KCTD7: variants seen among roughly 807,000 people sequenced by gnomAD.
KCTD7 encodes the protein potassium channel tetramerization domain containing 7, also known as BTB/POZ domain-containing protein KCTD7.
KCTD7 carries 15 observed loss-of-function variants against 27.0 expected under a neutral mutation model. The ratio of observed to expected loss-of-function variants is 0.56; its 90% CI spans 0.37 to 0.86. The LOEUF (loss-of-function observed/expected upper bound fraction) is 0.86, where lower values mean the gene tolerates loss of function less well. Ranked by LOEUF, KCTD7 falls within the 40% of genes least tolerant of loss-of-function variation. The probability of loss-of-function intolerance (pLI) is 0.00; values close to 1 mark genes in which losing one functional copy is unlikely to be tolerated. For missense variants in KCTD7, 299 were observed against 398.9 expected, an observed-to-expected ratio of 0.75 and a Z score of 2.13; for synonymous variants, 159 against 162.7, an observed-to-expected ratio of 0.98 and a Z score of 0.17.
intron 1 of KCTD7, among the ~76,000 whole-genome samples, chr7:66,630,455 C>A (rs1273256238): frequency 6.6e-6 from 1 of 152,098 alleles, no homozygotes; most frequent in Admixed American, 6.6e-5. Flanking sequence ...GAAGGTGAAG[C>A]ATTACTGGAC....
chr7:66,634,521 C>T (rs554714045), intron 2 of KCTD7, among the ~76,000 whole-genome samples: 142 of 152,128 alleles, frequency 9.3e-4, no homozygotes, highest in Middle Eastern at 3.4e-3. Flanking sequence ...TACAGGTGTG[C>T]GCCACTGCAC....
intron 3 of KCTD7, 92 bp from the exon 4 acceptor site, chr7:66,638,764 T>C: frequency 6.7e-7 from 1 of 1,495,754 alleles, no homozygotes; most frequent in South Asian, 1.2e-5. Flanking sequence ...CCCTCCTGCA[T>C]CCTGCCATCT....
chr7:66,633,843 C>T (rs924773188), intron 2 of KCTD7, among the ~76,000 whole-genome samples: 1 of 151,716 alleles, frequency 6.6e-6, no homozygotes, highest in Admixed American at 6.6e-5. Context: ...CAAAAATTAG[C>T]TGGGTGTGGT....
At position 66,642,191 on chromosome 7, in the gene KCTD7, C is replaced by T. The variant is rs185120966; in HGVS notation, c.*2959C>T. 2 of 985,388 alleles carry T rather than the reference C, an allele frequency of 2.0e-6. No homozygotes were observed. The highest frequency in any genetic ancestry group is 1.2e-4 in the Admixed American group (2 of 16,276). 61.0% of individuals were successfully genotyped at this position (985,388 alleles called of 1,614,324 possible). A position where few individuals can be genotyped will look rare whatever the true frequency, so the allele number is the denominator to read the frequency against. On this transcript the variant is annotated 3_prime_UTR_variant, in exon 4 of 4. Coordinates refer to ENST00000639828, the MANE Select transcript of KCTD7 (RefSeq NM_153033.5). Reference sequence around the variant, plus strand: ...GAAGCAAAACCACACTGAAATGCATCCCACTCCAGGAGAGGAATTCTTAGC... The same window carrying T: ...GAAGCAAAACCACACTGAAATGCATTCCACTCCAGGAGAGGAATTCTTAGC...
Position 66,639,203 on chromosome 7 carries a change from A to G in KCTD7, c.841A>G (p.Ile281Val). The part of the protein sequence containing the change: ...LVNHYYCKRP[I>V]YEFKITWW ...GAACCACTACTACTGCAAGCGCCCC[A>G]TCTATGAGTTCAAGATCACATGGTG... The change falls in exon 4 of 4, where the codon ATC (isoleucine) becomes GTC (valine). Residue 281 changes from isoleucine (I) to valine (V), a missense_variant. Coordinates refer to ENST00000639828, the MANE Select transcript of KCTD7 (RefSeq NM_153033.5). 2 of 1,613,434 alleles carry G rather than the reference A, an allele frequency of 1.2e-6. No individual in the cohort carries two copies. The highest frequency in any genetic ancestry group is 1.7e-6 in the Non-Finnish European group (2 of 1,180,024).
Position 66,638,354 on chromosome 7 carries a change from A to T in KCTD7, c.416A>T (p.Glu139Val). 6.2e-7 allele frequency: 1 copy of T among 1,614,232 alleles called. No individual in the cohort carries two copies. The highest frequency in any genetic ancestry group is 8.5e-7 in the Non-Finnish European group (1 of 1,180,050). The change falls in exon 3 of 4, where the codon GAG becomes GTG. Residue 139 changes from glutamate (E) to valine (V), a missense_variant. Physicochemically the swap from Glu to Val is moderately radical, Grantham distance 121. Coordinates refer to ENST00000639828, the MANE Select transcript of KCTD7 (RefSeq NM_153033.5). Reference sequence around the variant, plus strand: ...TACTATGCCATCGGGCCCCTCCTGGAGCAGCTGGAGAACATGCAGCCACTG... The same window carrying T: ...TACTATGCCATCGGGCCCCTCCTGGTGCAGCTGGAGAACATGCAGCCACTG... ...AQYYAIGPLL[E>V]QLENMQPLKG... is the part of the protein sequence containing the mutation.
chr7:66,642,145 T>C lies in KCTD7; in HGVS notation c.*2913T>C. 3 of 985,390 alleles carry C rather than the reference T, an allele frequency of 3.0e-6. No individual in the cohort carries two copies. The highest frequency in any genetic ancestry group is 3.6e-6 in the Non-Finnish European group (3 of 829,918). 61.0% of individuals were successfully genotyped at this position (985,390 alleles called of 1,614,324 possible). A position where few individuals can be genotyped will look rare whatever the true frequency, so the allele number is the denominator to read the frequency against. Reference sequence around the variant, plus strand: ...TTCCTTAAAAATAAAAAAGCTAATGTTATAGCAACAAAAAAAGACTGAAGC... The same window carrying C: ...TTCCTTAAAAATAAAAAAGCTAATGCTATAGCAACAAAAAAAGACTGAAGC... On this transcript the variant is annotated 3_prime_UTR_variant, in exon 4 of 4. Coordinates refer to ENST00000639828, the MANE Select transcript of KCTD7 (RefSeq NM_153033.5).
At chr7:66,629,371 C>T (rs1786393189) in intron 1 of KCTD7, among the ~76,000 whole-genome samples, 163 bp downstream of exon 1, 1 of 150,238 alleles carries the variant, frequency 6.7e-6, no homozygotes, top group South Asian at 2.1e-4. Flanking sequence ...CGCCCACCTG[C>T]ACCCCTACCC....
chr7:66,634,116 ATATATATATATATATATATATG>A (rs1036101794), intron 2 of KCTD7, among the ~76,000 whole-genome samples: 4 of 101,776 alleles, frequency 3.9e-5, no homozygotes, highest in Admixed American at 1.2e-4. Flanking sequence ...GTGTATACAT[ATATATATATATATATATATATG>A]TATATATATG....
chr7:66,636,343 G>A (rs9791890), intron 2 of KCTD7, among the ~76,000 whole-genome samples: 74,776 of 149,864 alleles, frequency 0.5, 19,311 homozygotes, highest in African/African-American at 0.65. Context: ...TCTGGCAGCG[G>A]TGGCTACTTG....
chr7:66,628,883 C>CT lies in KCTD7; in HGVS notation c.-181dup. 1 of 486,824 alleles carries CT rather than the reference C, an allele frequency of 2.1e-6. No homozygotes were observed. The highest frequency in any genetic ancestry group is 4.1e-5 in the East Asian group (1 of 24,452). 30.2% of individuals were successfully genotyped at this position (486,824 alleles called of 1,614,324 possible). A position where few individuals can be genotyped will look rare whatever the true frequency, so the allele number is the denominator to read the frequency against. ...GGGAGGCGGTCGGGTCAGGCCCCAG[C>CT]TGGGCGCGAGCGGGTCGGCGTTGAG... is the stretch of plus-strand genomic sequence containing the variant. On this transcript the variant is annotated 5_prime_UTR_variant, in exon 1 of 4. Transcript: ENST00000639828.
rs1786705909 is a variant in KCTD7 at position 66,641,157 on chromosome 7, C to T, written c.*1925C>T. On this transcript the variant is annotated 3_prime_UTR_variant, in exon 4 of 4. Coordinates refer to ENST00000639828, the MANE Select transcript of KCTD7 (RefSeq NM_153033.5). ...AGATATGCGCTCTCTCTATTGTTCT[C>T]GTACACAAAGGGATAGTCTCTTTTC... 5 of 985,264 alleles carry T rather than the reference C, an allele frequency of 5.1e-6. No homozygotes were observed. In the South Asian group the frequency reaches 1.9e-4, roughly 37 times the overall value. 61.0% of individuals were successfully genotyped at this position (985,264 alleles called of 1,614,324 possible). A position where few individuals can be genotyped will look rare whatever the true frequency, so the allele number is the denominator to read the frequency against.
chr7:66,630,131 G>C (rs968272967), intron 1 of KCTD7, among the ~76,000 whole-genome samples: 1 of 152,130 alleles, frequency 6.6e-6, no homozygotes, highest in Non-Finnish European at 1.5e-5. Context: ...GCCAGGCTTG[G>C]TGGTGTGTGC....
rs1786684821 is a variant in KCTD7, at chr7:66,640,229, A to C, written c.*997A>C. 1 of 1,461,646 alleles carries C rather than the reference A, an allele frequency of 6.8e-7. No individual in the cohort carries two copies. Among genetic ancestry groups the C allele is most frequent in the Non-Finnish European group, 9.0e-7 (1 of 1,114,686 alleles). The allele number at this position is 1,461,646 out of a possible 1,614,324, so 90.5% of individuals were successfully genotyped here. On this transcript the variant is annotated 3_prime_UTR_variant, in exon 4 of 4. Coordinates refer to ENST00000639828, the MANE Select transcript of KCTD7 (RefSeq NM_153033.5). Reference sequence around the variant, plus strand: ...GGAGAGCCTCTCTTCTGAGAAGGTAAAGGAAGGGCTGGGTGAGACACACAG... The same window carrying C: ...GGAGAGCCTCTCTTCTGAGAAGGTACAGGAAGGGCTGGGTGAGACACACAG...
chr7:66,640,010 A>G lies in KCTD7; in HGVS notation c.*778A>G. The G allele has an allele frequency of 8.0e-7, 1 of 1,256,378 alleles. No homozygotes were observed. The highest frequency in any genetic ancestry group is 1.0e-6 in the Non-Finnish European group (1 of 1,003,724). The allele number at this position is 1,256,378 out of a possible 1,614,324, so 77.8% of individuals were successfully genotyped here. Reference sequence around the variant, plus strand: ...TGCAAATTTCAGAGGCTTCTTTTGAAGATTCCCCAAGTCAAGCAGGCAAGA... The same window carrying G: ...TGCAAATTTCAGAGGCTTCTTTTGAGGATTCCCCAAGTCAAGCAGGCAAGA... On this transcript the variant is annotated 3_prime_UTR_variant, in exon 4 of 4. Transcript: ENST00000639828.
At chr7:66,636,619 AAAT>A (rs376875393) in intron 2 of KCTD7, among the ~76,000 whole-genome samples, 18 of 151,938 alleles carry the variant, frequency 1.2e-4, no homozygotes, top group African/African-American at 3.9e-4. Context: ...TCTGAGCACT[AAAT>A]AATCTAAAAA....
chr7:66,638,342 G>C lies in KCTD7; in HGVS notation c.404G>C (p.Gly135Ala). 6.2e-7 allele frequency: 1 copy of C among 1,614,266 alleles called. No homozygotes were observed. Among genetic ancestry groups the C allele is most frequent in the East Asian group, 2.2e-5 (1 of 44,894 alleles). The change falls in exon 3 of 4, where the codon GGG becomes GCG. Residue 135 changes from glycine to alanine, a missense_variant. By Grantham distance (60) the Gly-to-Ala change is moderately conservative (BLOSUM62 0). Transcript: ENST00000639828. Reference protein sequence around the residue: ...VYKEAQYYAIGPLLEQLENMQ... With the variant: ...VYKEAQYYAIAPLLEQLENMQ... ...AAAGAGGCCCAGTACTATGCCATCGGGCCCCTCCTGGAGCAGCTGGAGAAC... is the reference window on the plus strand; with the variant it reads ...AAAGAGGCCCAGTACTATGCCATCGCGCCCCTCCTGGAGCAGCTGGAGAAC...
At position 66,638,120 on chromosome 7, in the gene KCTD7, T is replaced by C. The variant is rs546634415; in HGVS notation, c.315-133T>C. ...TTTTACAGACAGGGAAACTGAGACA[T>C]GGAGTAGTTAAGTTCATTTACCCAG... On this transcript the variant is annotated intron_variant, in intron 2 of 3. Transcript: ENST00000639828. 2.4e-5 allele frequency: 21 copies of C among 866,976 alleles called. No individual in the cohort carries two copies. The African/African-American group carries it at 3.5e-4, about 14-fold the overall frequency. 53.7% of individuals were successfully genotyped at this position (866,976 alleles called of 1,614,324 possible).
At chr7:66,634,741 G>C (rs1005639009) in intron 2 of KCTD7, among the ~76,000 whole-genome samples, 1 of 117,122 alleles carries the variant, frequency 8.5e-6, no homozygotes, top group African/African-American at 3.6e-5. Flanking sequence ...AAAAGAGATG[G>C]AAGACTGATA....
Sources: allele counts gnomAD v4.1 joint callset (sites outside exome capture counted in the v4.1 genomes callset), GRCh38; gene constraint gnomAD v4.1.1; transcripts MANE v1.5; gene names NCBI Gene and HGNC (gene_info 2026-07-23, HGNC 2026-07-21).